ZNF804A: variants seen among roughly 807,000 people sequenced by gnomAD.
ZNF804A encodes zinc finger protein 804A.
In ZNF804A, 2 loss-of-function variants were observed where a neutral mutation model predicts 16.5. That is an observed-to-expected ratio of 0.12 (90% CI 0.05 to 0.38). ZNF804A has a LOEUF of 0.38. Ranked by LOEUF, ZNF804A falls within the 10% of genes least tolerant of loss-of-function variation. The pLI is 0.99. For synonymous variants in ZNF804A, 534 were observed against 489.6 expected (o/e 1.09, Z -1.20); for missense variants, 1,473 against 1,390.7 (o/e 1.06, Z -0.94).
chr2:184,920,747 C>T (rs779679334), intron 2 of ZNF804A, among the ~76,000 whole-genome samples: 8 of 152,188 alleles, frequency 5.3e-5, no homozygotes, highest in Admixed American at 3.3e-4. Context: ...CTGCTGGCAG[C>T]CTCTAGTTGC....
chr2:184,653,142 A>T (rs1300562323), intron 1 of ZNF804A, among the ~76,000 whole-genome samples: 3 of 152,098 alleles, frequency 2.0e-5, no homozygotes, highest in African/African-American at 7.2e-5. Context: ...TTGCTCTTTC[A>T]TGTTTCCTCA....
At position 184,737,178 on chromosome 2, in the gene ZNF804A, T is replaced by C. The variant is rs926368416; in HGVS notation, c.112-129191T>C. On this transcript the variant is annotated intron_variant, in intron 1 of 3. Coordinates refer to ENST00000302277, the MANE Select transcript of ZNF804A (RefSeq NM_194250.2). ...TTCACGCCATTCTTCTGCCTCAGCCTCCTGAGTAGCTGGGACCACAGGCAA... is the reference window on the plus strand; with the variant it reads ...TTCACGCCATTCTTCTGCCTCAGCCCCCTGAGTAGCTGGGACCACAGGCAA... 2.6e-5 allele frequency among the ~76,000 whole-genome samples: 4 copies of C among 151,924 alleles called. No individual in the cohort carries two copies. The East Asian group carries it at 7.7e-4, about 29-fold the overall frequency.
At chr2:184,849,778 C>A (rs1269045732) in intron 1 of ZNF804A, among the ~76,000 whole-genome samples, 1 of 151,952 alleles carries the variant, frequency 6.6e-6, no homozygotes, top group African/African-American at 2.4e-5. Flanking sequence ...ATGCTTATTG[C>A]ATCACTATTC....
intron 1 of ZNF804A, among the ~76,000 whole-genome samples, chr2:184,810,327 A>G (rs548829314): frequency 6.6e-6 from 1 of 152,158 alleles, no homozygotes; most frequent in Non-Finnish European, 1.5e-5. Context: ...GATTATTAAC[A>G]AATCAATTAT....
intron 2 of ZNF804A, among the ~76,000 whole-genome samples, chr2:184,880,601 T>C (rs1684795988): frequency 6.6e-6 from 1 of 152,078 alleles, no homozygotes; most frequent in East Asian, 1.9e-4. Context: ...GACAGACAAC[T>C]TTTTTTTGAG....
chr2:184,662,383 A>G (rs1373273686), intron 1 of ZNF804A, among the ~76,000 whole-genome samples: 1 of 152,220 alleles, frequency 6.6e-6, no homozygotes, highest in Non-Finnish European at 1.5e-5. Flanking sequence ...TCTTATGCTT[A>G]AAGACTCATA....
chr2:184,713,370 T>C (rs1256124866), intron 1 of ZNF804A, among the ~76,000 whole-genome samples: 1 of 151,948 alleles, frequency 6.6e-6, no homozygotes, highest in African/African-American at 2.4e-5. Context: ...ATAGCTAAAT[T>C]GAATTTCATT....
intron 1 of ZNF804A, among the ~76,000 whole-genome samples, chr2:184,730,244 TCAC>T (rs1693491033): frequency 6.6e-6 from 1 of 152,128 alleles, no homozygotes; most frequent in Admixed American, 6.6e-5. Context: ...AGTTTTAGGT[TCAC>T]CACAATATTG....
intron 1 of ZNF804A, among the ~76,000 whole-genome samples, chr2:184,778,502 T>C (rs1694325644): frequency 6.6e-6 from 1 of 151,542 alleles, no homozygotes; most frequent in African/African-American, 2.4e-5. Context: ...ATATACAAGA[T>C]ACAGATGGAA....
At chr2:184,867,439 G>A (rs889515421) in intron 2 of ZNF804A, among the ~76,000 whole-genome samples, 1 of 152,236 alleles carries the variant, frequency 6.6e-6, no homozygotes, top group Middle Eastern at 3.4e-3. Context: ...TAGGGAAAGT[G>A]ATCATGTTAA....
intron 1 of ZNF804A, among the ~76,000 whole-genome samples, chr2:184,653,597 T>A (rs547162825): frequency 4.6e-5 from 7 of 152,118 alleles, no homozygotes; most frequent in Admixed American, 3.3e-4. Flanking sequence ...AGACTTTGGG[T>A]TTTATATATT....
At chr2:184,741,251 T>A (rs1355321618) in intron 1 of ZNF804A, among the ~76,000 whole-genome samples, 3 of 152,176 alleles carry the variant, frequency 2.0e-5, no homozygotes, top group African/African-American at 7.2e-5. Flanking sequence ...AAGGAAGAGC[T>A]GTATGGGGCA....
rs541560757 is a variant in ZNF804A at position 184,688,984 on chromosome 2, A to G, written c.111+89914A>G. 1.4e-4 allele frequency among the ~76,000 whole-genome samples: 21 copies of G among 152,324 alleles called. 1 individual carries two copies. The East Asian group carries it at 3.7e-3, about 27-fold the overall frequency. On this transcript the variant is annotated intron_variant, in intron 1 of 3. Coordinates refer to ENST00000302277, the MANE Select transcript of ZNF804A (RefSeq NM_194250.2). ...AACATGTTTGTAGAAGCAAACAGAT[A>G]TGTATCTTAATCTATAATATTTAGA... is the stretch of plus-strand genomic sequence containing the variant.
intron 1 of ZNF804A, among the ~76,000 whole-genome samples, chr2:184,720,228 C>A (rs895580208): frequency 6.6e-6 from 1 of 152,138 alleles, no homozygotes; most frequent in Non-Finnish European, 1.5e-5. Context: ...CCACAGGGTC[C>A]CTCCCATAAC....
chr2:184,629,108 T>C (rs1465889105), intron 1 of ZNF804A, among the ~76,000 whole-genome samples: 2 of 152,326 alleles, frequency 1.3e-5, no homozygotes, highest in East Asian at 1.9e-4. Flanking sequence ...TTTATTGCTA[T>C]GTTGAATTCC....
intron 1 of ZNF804A, among the ~76,000 whole-genome samples, chr2:184,820,455 A>G (rs189896815): frequency 6.9e-4 from 105 of 152,234 alleles, no homozygotes; most frequent in African/African-American, 2.2e-3. Flanking sequence ...CTTACAGCCA[A>G]TATCATACTG....
chr2:184,750,116 G>T (rs181545528), intron 1 of ZNF804A, among the ~76,000 whole-genome samples: 4 of 151,370 alleles, frequency 2.6e-5, no homozygotes, highest in Admixed American at 1.3e-4. Flanking sequence ...TTTTTATGAT[G>T]TATATTTACT....
At chr2:184,794,910 C>A (rs1003272518) in intron 1 of ZNF804A, among the ~76,000 whole-genome samples, 1 of 151,550 alleles carries the variant, frequency 6.6e-6, no homozygotes. Context: ...CTGGAGTTCC[C>A]AAATTTATAA....
At chr2:184,895,564 A>G (rs937115527) in intron 2 of ZNF804A, among the ~76,000 whole-genome samples, 4 of 152,220 alleles carry the variant, frequency 2.6e-5, no homozygotes, top group Non-Finnish European at 5.9e-5. Flanking sequence ...GAATTGTGCT[A>G]CTTTCTCACT....
Sources: allele counts gnomAD v4.1 joint callset (sites outside exome capture counted in the v4.1 genomes callset), GRCh38; gene constraint gnomAD v4.1.1; transcripts MANE v1.5; gene names NCBI Gene and HGNC (gene_info 2026-07-23, HGNC 2026-07-21).